EYS: variants seen among roughly 807,000 people sequenced by gnomAD.
EYS encodes the protein EGF-like photoreceptor maintenance factor.
Under a neutral mutation model 282.1 loss-of-function variants are expected in EYS, and 250 were observed. The ratio of observed to expected loss-of-function variants is 0.89; its 90% confidence interval spans 0.80 to 0.98. EYS has a LOEUF of 0.98. EYS is among the 50% of genes least tolerant of loss of function. The probability of loss-of-function intolerance (pLI) is 0.00; values close to 1 mark genes in which losing one functional copy is unlikely to be tolerated. For synonymous variants in EYS, 1,355 were observed against 1,282.9 expected, an observed-to-expected ratio of 1.06 and a Z score of -1.20; for missense variants, 4,016 against 3,709.0, an observed-to-expected ratio of 1.08 and a Z score of -2.15.
intron 13 of EYS, among the ~76,000 whole-genome samples, chr6:65,055,713 T>C (rs1053621228): frequency 2.0e-5 from 3 of 152,074 alleles, no homozygotes; most frequent in African/African-American, 4.8e-5. Flanking sequence ...TTGGGATTTG[T>C]CTGATAATTT....
At chr6:64,806,997 G>C (rs1009424037) in intron 22 of EYS, among the ~76,000 whole-genome samples, 8 of 152,026 alleles carry the variant, frequency 5.3e-5, no homozygotes, top group African/African-American at 1.9e-4. Context: ...TTGAATTTTA[G>C]TGTAATTTCA....
At chr6:64,671,309 T>A (rs1449246900) in intron 22 of EYS, among the ~76,000 whole-genome samples, 1 of 151,920 alleles carries the variant, frequency 6.6e-6, no homozygotes, top group Non-Finnish European at 1.5e-5. Flanking sequence ...AATGAAACAG[T>A]ACCCTTATAA....
At chr6:64,560,489 T>C (rs1765360580) in intron 26 of EYS, among the ~76,000 whole-genome samples, 1 of 152,116 alleles carries the variant, frequency 6.6e-6, no homozygotes, top group Admixed American at 6.6e-5. Context: ...TTTTCTCAAA[T>C]ATACACTTTC....
At chr6:63,934,993 C>G (rs1765015168) in intron 35 of EYS, among the ~76,000 whole-genome samples, 1 of 152,170 alleles carries the variant, frequency 6.6e-6, no homozygotes, top group African/African-American at 2.4e-5. Context: ...CCCGCACCTC[C>G]TCCTTGCTAA....
At chr6:64,726,843 T>C (rs953546822) in intron 22 of EYS, among the ~76,000 whole-genome samples, 2 of 152,180 alleles carry the variant, frequency 1.3e-5, no homozygotes, top group Non-Finnish European at 2.9e-5. Context: ...CATAGAAACA[T>C]AATGTTCCAT....
chr6:64,662,849 C>T (rs1405571011), intron 22 of EYS, among the ~76,000 whole-genome samples: 3 of 152,112 alleles, frequency 2.0e-5, no homozygotes, highest in African/African-American at 7.2e-5. Context: ...GATTTAGATT[C>T]TGACTCAAGG....
intron 19 of EYS, among the ~76,000 whole-genome samples, chr6:64,862,391 A>G (rs1025858084): frequency 4.6e-5 from 7 of 151,894 alleles, no homozygotes; most frequent in Non-Finnish European, 7.4e-5. Context: ...TGTTGTTTCA[A>G]TGATTATGGG....
chr6:64,649,153 G>A (rs1424023490), intron 22 of EYS, among the ~76,000 whole-genome samples: 1 of 152,090 alleles, frequency 6.6e-6, no homozygotes, highest in Non-Finnish European at 1.5e-5. Context: ...TTCCTGTTAT[G>A]TTTGAAATTA....
chr6:64,069,232 T>C (rs1771482818), intron 32 of EYS, among the ~76,000 whole-genome samples: 1 of 152,144 alleles, frequency 6.6e-6, no homozygotes, highest in African/African-American at 2.4e-5. Context: ...TAACTTGGTA[T>C]AGCAGCAATA....
chr6:63,940,075 T>G (rs188328725), intron 35 of EYS, among the ~76,000 whole-genome samples: 3 of 152,344 alleles, frequency 2.0e-5, no homozygotes, highest in Admixed American at 2.0e-4. Context: ...AATTGCATAT[T>G]GCAGTAAAAA....
chr6:64,447,380 A>G (rs2150473878), intron 26 of EYS, among the ~76,000 whole-genome samples: 1 of 152,272 alleles, frequency 6.6e-6, no homozygotes, highest in African/African-American at 2.4e-5. Context: ...GAGCAGGATA[A>G]AGTAGGAAAA....
At chr6:65,596,991 C>A (rs1435039346) in intron 2 of EYS, among the ~76,000 whole-genome samples, 1 of 151,916 alleles carries the variant, frequency 6.6e-6, no homozygotes, top group African/African-American at 2.4e-5. Context: ...AGCCAGAGAA[C>A]CGAAGTAACT....
At chr6:64,404,494 C>A (rs781772850) in intron 28 of EYS, among the ~76,000 whole-genome samples, 1 of 152,026 alleles carries the variant, frequency 6.6e-6, no homozygotes, top group Non-Finnish European at 1.5e-5. Context: ...CAAATCCCAG[C>A]TTTACCATTT....
At chr6:63,824,540 G>A (rs1323932230) in intron 36 of EYS, among the ~76,000 whole-genome samples, 1 of 152,194 alleles carries the variant, frequency 6.6e-6, no homozygotes, top group Non-Finnish European at 1.5e-5. Flanking sequence ...GACTGCTGCT[G>A]CAGGACGCGG....
intron 8 of EYS, among the ~76,000 whole-genome samples, chr6:65,370,256 CTTTT>C (rs35707502): frequency 7.9e-6 from 1 of 127,150 alleles, no homozygotes; most frequent in Non-Finnish European, 1.6e-5. Flanking sequence ...CTTTCTCTCT[CTTTT>C]TTTTTTTTTT....
At chr6:64,222,723 T>C (rs957299626) in intron 31 of EYS, among the ~76,000 whole-genome samples, 3 of 152,050 alleles carry the variant, frequency 2.0e-5, no homozygotes, top group African/African-American at 7.2e-5. Flanking sequence ...AAAAGCATAG[T>C]GTTTTCTTTG....
intron 41 of EYS, among the ~76,000 whole-genome samples, chr6:63,735,985 C>T (rs912587513): frequency 1.3e-5 from 2 of 152,114 alleles, no homozygotes; most frequent in African/African-American, 4.8e-5. Context: ...ATAATGTAGA[C>T]CCGTATCACT....
rs112740028 is a variant in EYS at position 64,615,942 on chromosome 6, T to G, written c.3684+1476A>C. 3.8e-3 allele frequency among the ~76,000 whole-genome samples: 578 copies of G among 152,176 alleles called. 4 individuals are homozygous for G. Among genetic ancestry groups the G allele is most frequent in the African/African-American group, 0.013 (532 of 41,552 alleles). ...AGATGTTTCTATTTCTAACATATAC[T>G]AATGTATTTATCCTTCAGATTTGAT... On this transcript the variant is annotated intron_variant, in intron 24 of 42. Coordinates refer to ENST00000503581, the MANE Select transcript of EYS (RefSeq NM_001142800.2).
chr6:64,544,062 G>A (rs922234147), intron 26 of EYS, among the ~76,000 whole-genome samples: 1 of 152,142 alleles, frequency 6.6e-6, no homozygotes, highest in Non-Finnish European at 1.5e-5. Flanking sequence ...TACAAAACGG[G>A]TTTTAAAATA....
Sources: allele counts gnomAD v4.1 joint callset (sites outside exome capture counted in the v4.1 genomes callset), GRCh38; gene constraint gnomAD v4.1.1; transcripts MANE v1.5; gene names NCBI Gene and HGNC (gene_info 2026-07-23, HGNC 2026-07-21).